The following MIER2 variants were observed in gnomAD, a reference collection of about 807,000 sequenced individuals.
MIER2 encodes MIER family member 2, also known as mesoderm induction early response protein 2.
A neutral mutation model predicts 67.6 loss-of-function variants in MIER2; 30 were observed. The ratio of observed to expected loss-of-function variants is 0.44; its 90% confidence interval spans 0.33 to 0.60. The LOEUF (loss-of-function observed/expected upper bound fraction) is 0.60, where lower values mean the gene tolerates loss of function less well. Among genes scored for constraint, MIER2 ranks in the 20% least tolerant of loss-of-function variants. The pLI is 0.02. For synonymous variants in MIER2, 372 were observed against 312.6 expected, an observed-to-expected ratio of 1.19 and a Z score of -2.00; for missense variants, 702 against 745.1, an observed-to-expected ratio of 0.94 and a Z score of 0.67.
At chr19:321,298 C>T (rs1439125645) in intron 7 of MIER2, among the ~76,000 whole-genome samples, 2 of 152,208 alleles carry the variant, frequency 1.3e-5, no homozygotes, top group Non-Finnish European at 2.9e-5. Context: ...GAGAACACTT[C>T]ATGGCCAGGA....
At position 319,648 on chromosome 19, in the gene MIER2, AG is replaced by A. The variant is rs539399668; in HGVS notation, c.655+5986del. Among the ~76,000 whole-genome samples the A allele has an allele frequency of 4.6e-5, 7 of 152,152 alleles. No individual in the cohort carries two copies. In the South Asian group the frequency reaches 1.2e-3, roughly 27 times the overall value. ...TAATTTTTGTATTTTTAGTAGCGAC[AG>A]GGTTTCACCATGTTGGTCAGGCTGT... On this transcript the variant is annotated intron_variant, in intron 7 of 13. Coordinates refer to ENST00000264819, the MANE Select transcript of MIER2 (RefSeq NM_017550.3).
At chr19:323,430 G>C (rs1971587731) in intron 7 of MIER2, among the ~76,000 whole-genome samples, 1 of 144,760 alleles carries the variant, frequency 6.9e-6, no homozygotes, top group African/African-American at 2.6e-5. Flanking sequence ...CAATACACAG[G>C]ACACACACAC....
rs142629589 is a variant in MIER2 at position 319,349 on chromosome 19, G to A, written c.656-5706C>T. Among the ~76,000 whole-genome samples the A allele has an allele frequency of 5.9e-3, 897 of 152,248 alleles. 8 individuals are homozygous for A. The highest frequency in any genetic ancestry group is 0.02 in the African/African-American group (817 of 41,548). ...TGAACTCCAGCCTGGGCAATAGAGC[G>A]AGACCCTGTCACACACACACACAAA... On this transcript the variant is annotated intron_variant, in intron 7 of 13. Coordinates refer to ENST00000264819, the MANE Select transcript of MIER2 (RefSeq NM_017550.3).
chr19:306,755 G>T lies in MIER2; in HGVS notation c.1617-44C>A, dbSNP rs1256708950. The T allele has an allele frequency of 5.8e-6, 9 of 1,552,454 alleles. No individual in the cohort carries two copies. In the African/African-American group the frequency reaches 1.1e-4, roughly 19 times the overall value. ...GAGAGACGCAGAGAGTGTCAGTGCG[G>T]CCCCACGTGCCTGCACAGCCCAGTG... On this transcript the variant is annotated intron_variant, in intron 13 of 13. Coordinates refer to ENST00000264819, the MANE Select transcript of MIER2 (RefSeq NM_017550.3).
In MIER2 at chr19:313,525, G is replaced by A. The variant is rs147057199; in HGVS notation, c.774C>T (p.Leu258=). ...RRWHEMAGPQ[L]PEGEAVKDSE... is the part of the protein sequence containing the mutation. The stretch of plus-strand genomic sequence containing the variant: ...TGTCTTTCACGGCTTCTCCCTCTGG[G>A]AGCTGAGGCCCGGCCATCTCGTGCC... Residue 258 remains leucine, a synonymous_variant, in exon 8 of 14, where the codon CTC becomes CTT. Transcript: ENST00000264819. 101 of 1,612,822 alleles carry A rather than the reference G, an allele frequency of 6.3e-5. No homozygotes were observed. In the African/African-American group the frequency reaches 1.3e-3, roughly 20 times the overall value.
intron 3 of MIER2, 121 bp from the exon 4 acceptor site, chr19:328,110 C>T: frequency 7.3e-7 from 1 of 1,367,418 alleles, no homozygotes; most frequent in South Asian, 1.4e-5. Context: ...CCCATAGCAA[C>T]TCCCCACATG....
rs550981803 is a variant in MIER2, at chr19:336,075, G to A, written c.100+8C>T. On this transcript the variant is annotated splice_region_variant and intron_variant, in intron 2 of 13. Coordinates refer to ENST00000264819, the MANE Select transcript of MIER2 (RefSeq NM_017550.3). ...GGACCTGAGCAGGGGAAGGAGGGAG[G>A]AAGGTACCTGCTGTTGTCTGCAAGC... is the stretch of plus-strand genomic sequence containing the variant. The A allele has an allele frequency of 1.9e-6, 3 of 1,612,754 alleles. No homozygotes were observed. Among genetic ancestry groups the A allele is most frequent in the East Asian group, 2.2e-5 (1 of 44,872 alleles).
At position 307,104 on chromosome 19, in the gene MIER2, T is replaced by C. The variant is rs766734078; in HGVS notation, c.1616+15A>G. 1.5e-5 allele frequency: 24 copies of C among 1,570,048 alleles called. No individual in the cohort carries two copies. Among genetic ancestry groups the C allele is most frequent in the Non-Finnish European group, 2.1e-5 (24 of 1,156,928 alleles). On this transcript the variant is annotated intron_variant, in intron 13 of 13. Coordinates refer to ENST00000264819, the MANE Select transcript of MIER2 (RefSeq NM_017550.3). Reference sequence around the variant, plus strand: ...TGGAGTGTTGCGGAGGCTCCGGGCATGGGGTGGCACTCACTGTGACAGGGG... The same window carrying C: ...TGGAGTGTTGCGGAGGCTCCGGGCACGGGGTGGCACTCACTGTGACAGGGG...
intron 7 of MIER2, among the ~76,000 whole-genome samples, chr19:317,231 A>G (rs1426109148): frequency 6.6e-6 from 1 of 152,108 alleles, no homozygotes; most frequent in African/African-American, 2.4e-5. Context: ...CATCTCTACT[A>G]AAAATACAAA....
chr19:336,073 A>G lies in MIER2; in HGVS notation c.100+10T>C. On this transcript the variant is annotated intron_variant, in intron 2 of 13. Transcript: ENST00000264819. ...GCGGACCTGAGCAGGGGAAGGAGGG[A>G]GGAAGGTACCTGCTGTTGTCTGCAA... 1.2e-6 allele frequency: 2 copies of G among 1,612,468 alleles called. No individual in the cohort carries two copies. The highest frequency in any genetic ancestry group is 1.7e-6 in the Non-Finnish European group (2 of 1,178,838).
intron 2 of MIER2, among the ~76,000 whole-genome samples, chr19:335,490 C>T (rs894277622): frequency 6.6e-6 from 1 of 152,186 alleles, no homozygotes; most frequent in African/African-American, 2.4e-5. Context: ...GATGGCACCG[C>T]CTTCTCTGGG....
intron 1 of MIER2, chr19:344,117 T>A: frequency 6.1e-6 from 6 of 985,404 alleles, no homozygotes; most frequent in Non-Finnish European, 6.0e-6. Context: ...GCTCCAGAAG[T>A]AACTTCGTGC....
intron 10 of MIER2, among the ~76,000 whole-genome samples, chr19:311,362 C>G (rs1050848539): frequency 6.6e-6 from 1 of 152,220 alleles, no homozygotes; most frequent in Non-Finnish European, 1.5e-5. Context: ...TGGGGAAGGT[C>G]TAAGGAAGGG....
rs578078901 is a variant in MIER2 at position 317,740 on chromosome 19, A to C, written c.656-4097T>G. ...AGTGAGACTCTGTCTCAAAAAAAAA[A>C]AAAAAAACAAACAAACAAAAAACAA... On this transcript the variant is annotated intron_variant, in intron 7 of 13. Coordinates refer to ENST00000264819, the MANE Select transcript of MIER2 (RefSeq NM_017550.3). 8.3e-3 allele frequency among the ~76,000 whole-genome samples: 1,254 copies of C among 150,282 alleles called. 21 individuals are homozygous for C. The highest frequency in any genetic ancestry group is 0.028 in the African/African-American group (1,174 of 41,200).
Position 334,472 on chromosome 19 carries a change from C to G in MIER2, c.171G>C (p.Arg57Ser), listed in dbSNP as rs142920057. 4.3e-5 allele frequency: 70 copies of G among 1,614,056 alleles called. No homozygotes were observed. Among genetic ancestry groups the G allele is most frequent in the African/African-American group, 2.3e-4 (17 of 74,928 alleles). Residue 57 changes from arginine (R) to serine (S), a missense_variant, in exon 3 of 14, where the codon AGG becomes AGC. By Grantham distance (110) the Arg-to-Ser change is moderately radical. Around this residue, in one of 3 missense-constraint regions of MIER2, gnomAD observed 320 missense variants for 292.6 expected, o/e 1.09. Coordinates refer to ENST00000264819, the MANE Select transcript of MIER2 (RefSeq NM_017550.3). ...ACCTCGAGGCCTCCTCGCACTCCCC[C>G]CTAACACTGTAGTTCTGTGACAGGA... The part of the protein sequence containing the change: ...AEILSQNYSV[R>S]GECEEASRCP...
In MIER2 at chr19:305,938, C is replaced by G. The variant is rs367627645; in HGVS notation, c.*752G>C. 6.6e-6 allele frequency: 1 copy of G among 152,226 alleles called. No homozygotes were observed. Among genetic ancestry groups the G allele is most frequent in the East Asian group, 1.9e-4 (1 of 5,144 alleles). The allele number at this position is 152,226 out of a possible 1,614,324, so 9.4% of individuals were successfully genotyped here. ...CCTCCGGAGGCTCCCTGCCTTGGTA[C>G]CGGGGGAGGACAGCAAAGGGGATGT... On this transcript the variant is annotated 3_prime_UTR_variant, in exon 14 of 14. Transcript: ENST00000264819.
intron 1 of MIER2, among the ~76,000 whole-genome samples, chr19:337,222 T>C (rs954883994): frequency 5.9e-5 from 9 of 152,166 alleles, no homozygotes; most frequent in Non-Finnish European, 1.3e-4. Flanking sequence ...AAGATGATTA[T>C]AAGCCACGAC....
intron 1 of MIER2, among the ~76,000 whole-genome samples, chr19:341,432 G>C (rs1045901166): frequency 1.3e-5 from 2 of 152,190 alleles, no homozygotes; most frequent in Admixed American, 1.3e-4. Flanking sequence ...GGGGGGCAAA[G>C]AGGGAAGCGG....
At position 336,156 on chromosome 19, in the gene MIER2, C is replaced by A; in HGVS notation, c.27G>T (p.Arg9Ser). ...GGCAGGAGACCACGCGAGGACTCTG[C>A]CTCCCCAGCGAGGAGGCCTGCGAAG... MAEASSLG[R>S]QSPRVVSCLE... The change falls in exon 2 of 14, where the codon AGG becomes AGT. Residue 9 changes from arginine (R) to serine (S), a missense_variant. By Grantham distance (110) the Arg-to-Ser change is moderately radical. Transcript: ENST00000264819. The A allele has an allele frequency of 3.7e-6, 6 of 1,613,086 alleles. No homozygotes were observed. The highest frequency in any genetic ancestry group is 5.1e-6 in the Non-Finnish European group (6 of 1,179,344).
Sources: allele counts gnomAD v4.1 joint callset (sites outside exome capture counted in the v4.1 genomes callset), GRCh38; gene constraint gnomAD v4.1.1; regional missense constraint gnomAD v4.1.1; transcripts MANE v1.5; gene names NCBI Gene and HGNC (gene_info 2026-07-23, HGNC 2026-07-21).